The following ABCB1 variants were observed in gnomAD, a reference collection of about 807,000 sequenced individuals.
ABCB1 encodes ATP binding cassette subfamily B member 1, also known as ATP-dependent translocase ABCB1.
In ABCB1, 69 loss-of-function variants were observed where a neutral mutation model predicts 142.0. The ratio of observed to expected loss-of-function variants is 0.49; its 90% CI spans 0.40 to 0.59. The LOEUF is 0.59. ABCB1 is among the 20% of genes least tolerant of loss of function. ABCB1 has a pLI of 0.00. For synonymous variants in ABCB1, 532 were observed against 539.2 expected, an observed-to-expected ratio of 0.99 and a Z score of 0.18; for missense variants, 1,326 against 1,554.7, an observed-to-expected ratio of 0.85 and a Z score of 2.47.
At chr7:87,649,969 A>G (rs966724584) in intron 1 of ABCB1, among the ~76,000 whole-genome samples, 1 of 152,190 alleles carries the variant, frequency 6.6e-6, no homozygotes. Context: ...AGCCATGTAG[A>G]ACAGTGAGTC....
intron 3 of ABCB1, among the ~76,000 whole-genome samples, chr7:87,588,356 C>G (rs1818850714): frequency 6.6e-6 from 1 of 152,050 alleles, no homozygotes; most frequent in South Asian, 2.1e-4. Flanking sequence ...CCGAAAGGCC[C>G]CAATGTGTGT....
chr7:87,566,245 A>G lies in ABCB1; in HGVS notation c.531-4T>C, dbSNP rs761393555. 1.2e-6 allele frequency: 2 copies of G among 1,613,606 alleles called. No individual in the cohort carries two copies. Among genetic ancestry groups the G allele is most frequent in the South Asian group, 1.1e-5 (1 of 91,060 alleles). On this transcript the variant is annotated splice_region_variant and splice_polypyrimidine_tract_variant and intron_variant, in intron 6 of 27. Transcript: ENST00000622132. ...TTCATTAATCTTGGAGACATCACTG[A>G]AAGAACAGATAGTGTTAGAAATAAT...
chr7:87,616,291 A>AGCAT (rs1820029982), intron 1 of ABCB1, among the ~76,000 whole-genome samples: 1 of 152,222 alleles, frequency 6.6e-6, no homozygotes, highest in Non-Finnish European at 1.5e-5. Flanking sequence ...ATATAAGAAA[A>AGCAT]GCATGAAGAT....
intron 1 of ABCB1, among the ~76,000 whole-genome samples, chr7:87,620,785 A>C (rs1251324214): frequency 6.6e-6 from 1 of 152,210 alleles, no homozygotes; most frequent in African/African-American, 2.4e-5. Flanking sequence ...AAATACAAAA[A>C]TTTGACTGCA....
chr7:87,683,351 A>G (rs1174530394), intron 1 of ABCB1, among the ~76,000 whole-genome samples: 1 of 152,166 alleles, frequency 6.6e-6, no homozygotes, highest in Non-Finnish European at 1.5e-5. Flanking sequence ...TGTATTCACC[A>G]CTTGCCTAAC....
intron 1 of ABCB1, among the ~76,000 whole-genome samples, chr7:87,606,499 A>C (rs1819658159): frequency 2.0e-5 from 3 of 152,158 alleles, no homozygotes; most frequent in Admixed American, 1.3e-4. Flanking sequence ...GTGAAAAATG[A>C]GCAGTGACCT....
intron 7 of ABCB1, chr7:87,565,510 T>C (rs774489359): frequency 1.3e-5 from 6 of 450,476 alleles, no homozygotes; most frequent in South Asian, 9.5e-5. Flanking sequence ...TATGCATCCT[T>C]AGGGACTAGA....
chr7:87,690,923 A>G (rs1199214106), intron 1 of ABCB1, among the ~76,000 whole-genome samples: 1 of 152,098 alleles, frequency 6.6e-6, no homozygotes, highest in Non-Finnish European at 1.5e-5. Flanking sequence ...TATTAGAAAA[A>G]AATATATATG....
intron 4 of ABCB1, among the ~76,000 whole-genome samples, chr7:87,580,125 C>T (rs1310580639): frequency 1.3e-5 from 2 of 152,150 alleles, no homozygotes; most frequent in East Asian, 1.9e-4. Context: ...TTTCTGAGTA[C>T]TTATTATTAC....
intron 3 of ABCB1, among the ~76,000 whole-genome samples, chr7:87,594,190 G>T (rs976541238): frequency 6.6e-6 from 1 of 152,126 alleles, no homozygotes; most frequent in Non-Finnish European, 1.5e-5. Context: ...AAGAGACTTA[G>T]AATATATTCT....
At chr7:87,706,705 G>A (rs902277063) in intron 1 of ABCB1, among the ~76,000 whole-genome samples, 1 of 152,176 alleles carries the variant, frequency 6.6e-6, no homozygotes, top group Non-Finnish European at 1.5e-5. Context: ...AGTTGTGGAG[G>A]TGGAGATTTT....
chr7:87,531,291 C>G lies in ABCB1; in HGVS notation c.2685+3G>C. 1 of 1,611,842 alleles carries G rather than the reference C, an allele frequency of 6.2e-7. No homozygotes were observed. The highest frequency in any genetic ancestry group is 8.5e-7 in the Non-Finnish European group (1 of 1,178,434). ...TTAATCAATCATATTTAGTTTGACTCACCTTCCCAGAACCTTCTAGTTCTT... is the reference window on the plus strand; with the variant it reads ...TTAATCAATCATATTTAGTTTGACTGACCTTCCCAGAACCTTCTAGTTCTT... On this transcript the variant is annotated splice_donor_region_variant and intron_variant, in intron 21 of 27. Coordinates refer to ENST00000622132, the MANE Select transcript of ABCB1 (RefSeq NM_001348946.2).
rs1392268146 is a variant in ABCB1 at position 87,700,038 on chromosome 7, G to T, written c.-331+13123C>A. Reference sequence around the variant, plus strand: ...GTTTTTTTAAATAGAGAAAGGTTTAGAATTCAATTGGTGACATTTATTAAT... The same window carrying T: ...GTTTTTTTAAATAGAGAAAGGTTTATAATTCAATTGGTGACATTTATTAAT... On this transcript the variant is annotated intron_variant, in intron 1 of 28. Coordinates refer to the ABCB1 transcript ENST00000265724. 2.6e-5 allele frequency among the ~76,000 whole-genome samples: 4 copies of T among 152,010 alleles called. No homozygotes were observed. In the South Asian group the frequency reaches 8.4e-4, roughly 32 times the overall value.
intron 1 of ABCB1, among the ~76,000 whole-genome samples, chr7:87,632,441 T>G (rs1477529071): frequency 6.6e-6 from 1 of 152,216 alleles, no homozygotes. Context: ...AACATTTGCA[T>G]AGTCCTTATT....
At chr7:87,525,285 GA>G (rs1342134254) in intron 21 of ABCB1, among the ~76,000 whole-genome samples, 1 of 152,062 alleles carries the variant, frequency 6.6e-6, no homozygotes, top group Non-Finnish European at 1.5e-5. Flanking sequence ...TATGTTTCTA[GA>G]AAGAAAAAAT....
chr7:87,701,344 T>A (rs550171176), intron 1 of ABCB1, among the ~76,000 whole-genome samples: 2 of 152,354 alleles, frequency 1.3e-5, no homozygotes, highest in South Asian at 4.1e-4. Flanking sequence ...ATTAAAGCTT[T>A]TAAGTAAAAA....
At position 87,566,880 on chromosome 7, in the gene ABCB1, G is replaced by T. The variant is rs1817805153; in HGVS notation, c.435C>A (p.His145Gln). ...CATGAAAAAACTGTTTTCTAATTTT[G>T]TGTATTTGTCTTCCAGCTGCCAGGC... Reference protein sequence around the residue: ...FWCLAAGRQIHKIRKQFFHAI... With the variant: ...FWCLAAGRQIQKIRKQFFHAI... Residue 145 changes from histidine (H) to glutamine (Q), a missense_variant, in exon 6 of 28, where the codon CAC (histidine) becomes CAA (glutamine). Transcript: ENST00000622132. 1 of 1,613,976 alleles carries T rather than the reference G, an allele frequency of 6.2e-7. No homozygotes were observed. Among genetic ancestry groups the T allele is most frequent in the South Asian group, 1.1e-5 (1 of 91,084 alleles).
At chr7:87,669,062 A>G (rs1201233486) in intron 1 of ABCB1, among the ~76,000 whole-genome samples, 2 of 151,922 alleles carry the variant, frequency 1.3e-5, no homozygotes, top group Non-Finnish European at 2.9e-5. Context: ...TCTGTTTAAT[A>G]CTGTCTGTGG....
intron 1 of ABCB1, among the ~76,000 whole-genome samples, chr7:87,640,023 G>C (rs1822261921): frequency 6.6e-6 from 1 of 150,588 alleles, no homozygotes; most frequent in Non-Finnish European, 1.5e-5. Flanking sequence ...TTGTGAACTT[G>C]TGAGTCATAT....
Sources: gnomAD v4.1 joint callset for allele counts (sites outside exome capture counted in the v4.1 genomes callset) on GRCh38, gnomAD v4.1.1 for gene constraint, MANE v1.5 for transcripts, NCBI Gene and HGNC (gene_info 2026-07-23, HGNC 2026-07-21) for gene names.